Variants in KCNJ6 observed in about 807,000 individuals in gnomAD.
The protein encoded by KCNJ6 is potassium inwardly rectifying channel subfamily J member 6.
A neutral mutation model predicts 34.2 loss-of-function variants in KCNJ6; 9 were observed. The observed-to-expected ratio is 0.26, with a 90% CI of 0.16 to 0.46. The LOEUF is 0.46. KCNJ6 is among the 20% of genes least tolerant of loss of function. The pLI is 1.00. For missense variants in KCNJ6, 236 were observed against 531.3 expected, an observed-to-expected ratio of 0.44 and a Z score of 5.46; for synonymous variants, 196 against 207.1, an observed-to-expected ratio of 0.95 and a Z score of 0.46.
At chr21:37,645,056 G>T (rs903845960) in intron 3 of KCNJ6, among the ~76,000 whole-genome samples, 10 of 132,098 alleles carry the variant, frequency 7.6e-5, no homozygotes, top group African/African-American at 2.4e-4. Context: ...AGACTTTAAA[G>T]AATTTTGAAC....
chr21:37,607,482 A>ATATATATATCTTTATTT lies in KCNJ6; in HGVS notation c.*17676_*17677insAAATAAAGATATATATA. 46 of 136,762 alleles carry ATATATATATCTTTATTT rather than the reference A, an allele frequency of 3.4e-4. No homozygotes were observed. Among genetic ancestry groups the ATATATATATCTTTATTT allele is most frequent in the African/African-American group, 1.2e-3 (45 of 36,476 alleles). The allele number at this position is 136,762 out of a possible 1,614,324, so 8.5% of individuals were successfully genotyped here. On this transcript the variant is annotated 3_prime_UTR_variant, in exon 4 of 4. Transcript: ENST00000609713. Reference sequence around the variant, plus strand: ...CTTAAAGATATATATATATATATATATTTTTTTTTTATTTTAAAAAAATTT... The same window carrying ATATATATATCTTTATTT: ...CTTAAAGATATATATATATATATATATATATATATCTTTATTTTTTTTTTTTTATTTTAAAAAAATTT...
At chr21:37,853,861 T>TATATATATATAA (rs940498600) in intron 1 of KCNJ6, among the ~76,000 whole-genome samples, 1 of 146,732 alleles carries the variant, frequency 6.8e-6, no homozygotes, top group African/African-American at 2.5e-5. Flanking sequence ...TATATATATA[T>TATATATATATAA]AAATTACATT....
intron 2 of KCNJ6, among the ~76,000 whole-genome samples, chr21:37,821,187 G>C (rs2055371354): frequency 6.6e-6 from 1 of 152,104 alleles, no homozygotes; most frequent in South Asian, 2.1e-4. Context: ...ACATAATATG[G>C]AAAATAACTT....
chr21:37,674,913 A>G (rs1468569090), intron 3 of KCNJ6, among the ~76,000 whole-genome samples: 4 of 152,168 alleles, frequency 2.6e-5, no homozygotes, highest in African/African-American at 9.7e-5. Context: ...TAATGAATGA[A>G]TGATTGAATG....
At chr21:37,796,353 C>T (rs138071486) in intron 2 of KCNJ6, among the ~76,000 whole-genome samples, 47 of 152,258 alleles carry the variant, frequency 3.1e-4, no homozygotes, top group African/African-American at 9.6e-4. Flanking sequence ...GGATCAACCC[C>T]GTGAGCCCAA....
intron 2 of KCNJ6, among the ~76,000 whole-genome samples, chr21:37,826,962 G>A (rs565123117): frequency 2.0e-5 from 3 of 152,158 alleles, no homozygotes; most frequent in Admixed American, 6.5e-5. Context: ...GACCGCAAAG[G>A]CTTGTCCCTG....
chr21:37,687,583 C>G (rs1033243761), intron 3 of KCNJ6, among the ~76,000 whole-genome samples: 1 of 152,074 alleles, frequency 6.6e-6, no homozygotes, highest in African/African-American at 2.4e-5. Context: ...TGATTTATAG[C>G]TCTGGGCTTT....
chr21:37,681,704 C>A (rs964286776), intron 3 of KCNJ6, among the ~76,000 whole-genome samples: 32 of 152,316 alleles, frequency 2.1e-4, no homozygotes, highest in Middle Eastern at 3.4e-3. Flanking sequence ...ATTCATTCAA[C>A]CTTTTGTCGC....
chr21:37,646,055 G>C (rs936893021), intron 3 of KCNJ6, among the ~76,000 whole-genome samples: 1 of 152,126 alleles, frequency 6.6e-6, no homozygotes, highest in African/African-American at 2.4e-5. Context: ...TTCTGAATTC[G>C]TACATCCTCG....
At chr21:37,862,050 C>T (rs2055597267) in intron 1 of KCNJ6, among the ~76,000 whole-genome samples, 1 of 152,206 alleles carries the variant, frequency 6.6e-6, no homozygotes, top group Non-Finnish European at 1.5e-5. Flanking sequence ...CGTTCCTTGG[C>T]CTGCTCCTCA....
At chr21:37,669,432 C>G (rs1179518925) in intron 3 of KCNJ6, among the ~76,000 whole-genome samples, 1 of 152,072 alleles carries the variant, frequency 6.6e-6, no homozygotes, top group African/African-American at 2.4e-5. Flanking sequence ...CAGAGTTTGC[C>G]TTTTTTTGCT....
At chr21:37,792,887 G>A (rs2055223417) in intron 2 of KCNJ6, among the ~76,000 whole-genome samples, 1 of 152,206 alleles carries the variant, frequency 6.6e-6, no homozygotes, top group East Asian at 1.9e-4. Flanking sequence ...GTTCCTGGAA[G>A]TTCTGCTACT....
In KCNJ6 at chr21:37,718,092, T is replaced by C. The variant is rs538029604; in HGVS notation, c.26-2961A>G. Among the ~76,000 whole-genome samples the C allele has an allele frequency of 2.0e-5, 3 of 152,302 alleles. No individual in the cohort carries two copies. In the South Asian group the frequency reaches 6.2e-4, roughly 32 times the overall value. On this transcript the variant is annotated intron_variant, in intron 2 of 3. Coordinates refer to ENST00000609713, the MANE Select transcript of KCNJ6 (RefSeq NM_002240.5). ...GACCACATTTCTCATCCTCTTTGCATTGAGGGTTGGCCATGGTGATTGAGT... is the reference window on the plus strand; with the variant it reads ...GACCACATTTCTCATCCTCTTTGCACTGAGGGTTGGCCATGGTGATTGAGT...
At chr21:37,887,715 A>G (rs1011046968) in intron 1 of KCNJ6, among the ~76,000 whole-genome samples, 10 of 152,170 alleles carry the variant, frequency 6.6e-5, no homozygotes, top group Non-Finnish European at 4.4e-5. Context: ...AAATTTTACA[A>G]AGTTCTGGGG....
At chr21:37,745,156 A>C (rs917387751) in intron 2 of KCNJ6, among the ~76,000 whole-genome samples, 3 of 140,894 alleles carry the variant, frequency 2.1e-5, no homozygotes, top group Non-Finnish European at 3.0e-5. Context: ...TTGGTGGTGC[A>C]ATTAGGGCTC....
rs749606470 is a variant in KCNJ6 at position 37,630,270 on chromosome 21, C to T, written c.947-4786G>A. Among the ~76,000 whole-genome samples the T allele has an allele frequency of 4.6e-5, 7 of 152,190 alleles. No homozygotes were observed. The South Asian group carries it at 8.3e-4, about 18-fold the overall frequency. On this transcript the variant is annotated intron_variant, in intron 3 of 3. Coordinates refer to ENST00000609713, the MANE Select transcript of KCNJ6 (RefSeq NM_002240.5). ...ATGCTTCATTTGGTGAAGAGCAAAA[C>T]GTGGAAAACCTGATCTTGATCTCCT...
rs2054927913 is a variant in KCNJ6, at chr21:37,739,279, A to T, written c.26-24148T>A. On this transcript the variant is annotated intron_variant, in intron 2 of 3. Coordinates refer to ENST00000609713, the MANE Select transcript of KCNJ6 (RefSeq NM_002240.5). ...GGTTCATATTATAGAATTTAAGATT[A>T]TGCAGGTGGCTGGCATTATATTTCC... is the stretch of plus-strand genomic sequence containing the variant. 2.6e-5 allele frequency among the ~76,000 whole-genome samples: 4 copies of T among 152,330 alleles called. No individual in the cohort carries two copies. In the South Asian group the frequency reaches 8.3e-4, roughly 32 times the overall value.
rs557804299 is a variant in KCNJ6, at chr21:37,675,018, A to G, written c.946+39193T>C. 6.6e-6 allele frequency among the ~76,000 whole-genome samples: 1 copy of G among 152,232 alleles called. No individual in the cohort carries two copies. The highest frequency in any genetic ancestry group is 2.1e-4 in the South Asian group (1 of 4,816). ...CCACCCTGCACTGCCCCTGTCCCCA[A>G]GCCTTCCAGGTGGACTCATGCAGTC... On this transcript the variant is annotated intron_variant, in intron 3 of 3. Coordinates refer to ENST00000609713, the MANE Select transcript of KCNJ6 (RefSeq NM_002240.5). This position sits in a 1 kb window ranked among gnomAD's most constrained non-coding sequence, Gnocchi z 4.2.
At chr21:37,859,485 CTT>C (rs869307983) in intron 1 of KCNJ6, among the ~76,000 whole-genome samples, 869 of 20,036 alleles carry the variant, frequency 0.043, 75 homozygotes, top group African/African-American at 0.15. Context: ...GCTTATATTA[CTT>C]TATATATATA....
Sources: gnomAD v4.1 joint callset for allele counts (sites outside exome capture counted in the v4.1 genomes callset) on GRCh38, gnomAD v4.1.1 for gene constraint, Gnocchi (gnomAD v3.1) non-coding constraint, MANE v1.5 for transcripts, NCBI Gene and HGNC (gene_info 2026-07-23, HGNC 2026-07-21) for gene names.